KCNJ3: variants seen among roughly 807,000 people sequenced by gnomAD.
KCNJ3 encodes potassium inwardly rectifying channel subfamily J member 3, also known as G protein-activated inward rectifier potassium channel 1.
KCNJ3 carries 4 observed loss-of-function variants against 39.2 expected under a neutral mutation model. That is an observed-to-expected ratio of 0.10 (90% CI 0.05 to 0.23). The LOEUF is 0.23. Ranked by LOEUF, KCNJ3 falls within the 10% of genes least tolerant of loss-of-function variation. The probability of loss-of-function intolerance (pLI) is 1.00; values close to 1 mark genes in which losing one functional copy is unlikely to be tolerated. For synonymous variants in KCNJ3, 230 were observed against 237.4 expected (o/e 0.97, Z 0.29); for missense variants, 276 against 634.9 (o/e 0.43, Z 6.08).
At chr2:154,728,106 T>C (rs898893295) in intron 2 of KCNJ3, among the ~76,000 whole-genome samples, 1 of 152,088 alleles carries the variant, frequency 6.6e-6, no homozygotes, top group Non-Finnish European at 1.5e-5. Flanking sequence ...TTAAATTCTA[T>C]TTCATTAGCT....
At chr2:154,706,727 A>G (rs1685017524) in intron 1 of KCNJ3, among the ~76,000 whole-genome samples, 1 of 152,124 alleles carries the variant, frequency 6.6e-6, no homozygotes. Context: ...CTAAAGTAGA[A>G]TGTATGTGCT....
chr2:154,701,662 C>G (rs1463673766), intron 1 of KCNJ3, among the ~76,000 whole-genome samples: 1 of 151,984 alleles, frequency 6.6e-6, no homozygotes, highest in Non-Finnish European at 1.5e-5. Context: ...TATATTAACA[C>G]AAGGTGATAA....
intron 2 of KCNJ3, among the ~76,000 whole-genome samples, chr2:154,840,981 G>C (rs1207961591): frequency 6.6e-6 from 1 of 152,154 alleles, no homozygotes; most frequent in Non-Finnish European, 1.5e-5. Context: ...TTGAACAGGA[G>C]TGGTGAGAGA....
At chr2:154,738,056 T>G (rs1410450809) in intron 2 of KCNJ3, among the ~76,000 whole-genome samples, 1 of 152,158 alleles carries the variant, frequency 6.6e-6, no homozygotes, top group Non-Finnish European at 1.5e-5. Flanking sequence ...GGACACTTAT[T>G]TTGCTTCCAA....
chr2:154,792,835 C>T (rs761471036), intron 2 of KCNJ3, among the ~76,000 whole-genome samples: 1 of 152,090 alleles, frequency 6.6e-6, no homozygotes, highest in African/African-American at 2.4e-5. Context: ...ATACTTCAAT[C>T]CACTTGGCAA....
At chr2:154,791,777 C>T (rs1280276180) in intron 2 of KCNJ3, among the ~76,000 whole-genome samples, 1 of 151,944 alleles carries the variant, frequency 6.6e-6, no homozygotes, top group Admixed American at 6.6e-5. Context: ...AGAAAATACA[C>T]AAGATCTATG....
rs572519128 is a variant in KCNJ3 at position 154,768,540 on chromosome 2, G to A, written c.919+58721G>A. On this transcript the variant is annotated intron_variant, in intron 2 of 2. Transcript: ENST00000295101. ...CTGAGGGCTCTGTTCTGTTCCATTGGTCTATATCTCTGTTTTGGTACCAGT... is the reference window on the plus strand; with the variant it reads ...CTGAGGGCTCTGTTCTGTTCCATTGATCTATATCTCTGTTTTGGTACCAGT... 1.4e-3 allele frequency among the ~76,000 whole-genome samples: 217 copies of A among 152,164 alleles called. 1 individual carries two copies. Among genetic ancestry groups the A allele is most frequent in the African/African-American group, 4.4e-3 (183 of 41,534 alleles).
intron 2 of KCNJ3, among the ~76,000 whole-genome samples, chr2:154,842,929 C>T (rs1687600667): frequency 1.3e-5 from 2 of 152,092 alleles, no homozygotes; most frequent in Admixed American, 6.6e-5. Context: ...AACATTTAGC[C>T]CATTTACATT....
At chr2:154,765,752 A>G (rs1686122850) in intron 2 of KCNJ3, among the ~76,000 whole-genome samples, 1 of 152,246 alleles carries the variant, frequency 6.6e-6, no homozygotes, top group South Asian at 2.1e-4. Context: ...CAAAGAAAAT[A>G]CAATAACTTT....
At chr2:154,775,450 G>A (rs1686316630) in intron 2 of KCNJ3, among the ~76,000 whole-genome samples, 2 of 152,052 alleles carry the variant, frequency 1.3e-5, no homozygotes, top group African/African-American at 2.4e-5. Context: ...GTATCATAGT[G>A]CTATTTGCTT....
At chr2:154,854,368 T>C (rs1687805197) in intron 2 of KCNJ3, among the ~76,000 whole-genome samples, 1 of 152,196 alleles carries the variant, frequency 6.6e-6, no homozygotes, top group Admixed American at 6.5e-5. Flanking sequence ...TTTATGACAC[T>C]GTTTCTTAAA....
chr2:154,801,683 C>T (rs541844956), intron 2 of KCNJ3, among the ~76,000 whole-genome samples: 1 of 151,514 alleles, frequency 6.6e-6, no homozygotes, highest in Non-Finnish European at 1.5e-5. Context: ...GGCTGGATTT[C>T]AGTGGTGATC....
intron 2 of KCNJ3, among the ~76,000 whole-genome samples, chr2:154,753,742 T>C (rs1238398721): frequency 6.6e-6 from 1 of 152,224 alleles, no homozygotes; most frequent in Non-Finnish European, 1.5e-5. Flanking sequence ...TGATAGATTT[T>C]AAACATCATT....
intron 2 of KCNJ3, among the ~76,000 whole-genome samples, chr2:154,816,589 TA>T (rs1163390934): frequency 6.6e-6 from 1 of 152,176 alleles, no homozygotes; most frequent in African/African-American, 2.4e-5. Flanking sequence ...TAATAAAAGT[TA>T]TACATATGGT....
At chr2:154,775,865 G>C (rs964805964) in intron 2 of KCNJ3, among the ~76,000 whole-genome samples, 2 of 152,144 alleles carry the variant, frequency 1.3e-5, no homozygotes, top group African/African-American at 4.8e-5. Flanking sequence ...GAAAGTTTAA[G>C]TAATATCTAT....
chr2:154,768,458 T>G (rs1390780257), intron 2 of KCNJ3, among the ~76,000 whole-genome samples: 2 of 152,312 alleles, frequency 1.3e-5, no homozygotes, highest in African/African-American at 2.4e-5. Context: ...TTTTCCCATT[T>G]CTTGTTTTTG....
chr2:154,737,156 C>T (rs967929894), intron 2 of KCNJ3, among the ~76,000 whole-genome samples: 10 of 152,162 alleles, frequency 6.6e-5, no homozygotes, highest in Middle Eastern at 3.4e-3. Context: ...TCAGGCAAGG[C>T]CAGGGAAAGT....
At chr2:154,721,288 A>G (rs1685260227) in intron 2 of KCNJ3, among the ~76,000 whole-genome samples, 2 of 152,094 alleles carry the variant, frequency 1.3e-5, no homozygotes, top group Admixed American at 1.3e-4. Context: ...TGAACTTTCT[A>G]TGTCCCATGC....
At chr2:154,824,731 G>A (rs1216347081) in intron 2 of KCNJ3, among the ~76,000 whole-genome samples, 3 of 152,190 alleles carry the variant, frequency 2.0e-5, no homozygotes, top group Non-Finnish European at 4.4e-5. Context: ...CCATTGTCGT[G>A]TATGGAAATC....
Sources: allele counts gnomAD v4.1 joint callset (sites outside exome capture counted in the v4.1 genomes callset), GRCh38; gene constraint gnomAD v4.1.1; transcripts MANE v1.5; gene names NCBI Gene and HGNC (gene_info 2026-07-23, HGNC 2026-07-21).